Variants in FAM53A observed in about 807,000 individuals in gnomAD.
The protein encoded by FAM53A is protein FAM53A.
FAM53A carries 28 observed loss-of-function variants against 26.6 expected under a neutral mutation model. The ratio of observed to expected loss-of-function variants is 1.05; its 90% CI spans 0.78 to 1.45. FAM53A has a LOEUF of 1.45. Ranked by LOEUF, FAM53A falls within the 40% of genes most tolerant of loss-of-function variation. The probability of loss-of-function intolerance (pLI) is 0.00; values close to 1 mark genes in which losing one functional copy is unlikely to be tolerated. For missense variants in FAM53A, 650 were observed against 575.8 expected, an observed-to-expected ratio of 1.13 and a Z score of -1.32; for synonymous variants, 290 against 253.1, an observed-to-expected ratio of 1.15 and a Z score of -1.38.
intron 1 of FAM53A, among the ~76,000 whole-genome samples, chr4:1,631,409 T>G (rs539298126): frequency 1.3e-5 from 2 of 152,306 alleles, no homozygotes; most frequent in South Asian, 4.1e-4. Flanking sequence ...TTCCCACACA[T>G]GCTAACCTCT....
At chr4:1,667,784 G>A (rs976711747) in intron 2 of FAM53A, among the ~76,000 whole-genome samples, 27 of 152,284 alleles carry the variant, frequency 1.8e-4, no homozygotes, top group African/African-American at 5.8e-4. Flanking sequence ...ATAGGCAGGC[G>A]CTCCAAGCAC....
chr4:1,587,603 C>G, the FAM53A span, among the ~76,000 whole-genome samples: 1 of 152,108 alleles, frequency 6.6e-6, no homozygotes, highest in African/African-American at 2.4e-5. Flanking sequence ...ACCCAGGAGG[C>G]AGAAGTTGCA....
chr4:1,578,067 C>G, the FAM53A span, among the ~76,000 whole-genome samples: 1 of 152,108 alleles, frequency 6.6e-6, no homozygotes, highest in African/African-American at 2.4e-5. Context: ...CCTGCCTGCC[C>G]TGAGCGCCTT....
At chr4:1,653,831 G>A (rs910322437) in intron 4 of FAM53A, among the ~76,000 whole-genome samples, 14 of 152,212 alleles carry the variant, frequency 9.2e-5, no homozygotes, top group Admixed American at 5.9e-4. Context: ...CTGGCACGCC[G>A]GCCACACTGC....
chr4:1,657,407 C>T lies in FAM53A; in HGVS notation c.136+1G>A. 1 of 1,613,182 alleles carries T rather than the reference C, an allele frequency of 6.2e-7. No individual in the cohort carries two copies. The highest frequency in any genetic ancestry group is 1.1e-5 in the South Asian group (1 of 90,866). ...CCGGCCACAGCTCCTAAAGTGCTCA[C>T]CGTTGAGCTCCAAAGGGAACAGACG... is the stretch of plus-strand genomic sequence containing the variant. On this transcript the variant is annotated splice_donor_variant, in intron 3 of 4. Transcript: ENST00000308132. LOFTEE classifies it high-confidence loss of function.
chr4:1,634,585 T>G (rs1424038859), intron 1 of FAM53A, among the ~76,000 whole-genome samples: 1 of 152,166 alleles, frequency 6.6e-6, no homozygotes, highest in African/African-American at 2.4e-5. Context: ...CCTTATGCAT[T>G]TTGTGGAGGT....
the FAM53A span, among the ~76,000 whole-genome samples, chr4:1,606,745 C>T: frequency 6.6e-6 from 1 of 152,200 alleles, no homozygotes; most frequent in Non-Finnish European, 1.5e-5. Flanking sequence ...CCCTGTGTAG[C>T]GTTCCCCTGC....
chr4:1,616,359 T>C (rs1384863701), downstream of FAM53A, among the ~76,000 whole-genome samples: 1 of 152,138 alleles, frequency 6.6e-6, no homozygotes, highest in Non-Finnish European at 1.5e-5. Context: ...CCCTCCCTAC[T>C]GAGCCCAAGG....
At chr4:1,658,236 G>A (rs1161862489) in intron 2 of FAM53A, among the ~76,000 whole-genome samples, 1 of 151,598 alleles carries the variant, frequency 6.6e-6, no homozygotes, top group African/African-American at 2.4e-5. Flanking sequence ...CAGCCAGGAT[G>A]GTCTCGATCT....
chr4:1,595,908 G>A, the FAM53A span, among the ~76,000 whole-genome samples: 2 of 152,344 alleles, frequency 1.3e-5, no homozygotes, highest in South Asian at 2.1e-4. Flanking sequence ...TGGTGCAGGT[G>A]CTCAGTGATG....
At position 1,677,417 on chromosome 4, in the gene FAM53A, G is replaced by A. The variant is rs138249094; in HGVS notation, c.-165+6816C>T. On this transcript the variant is annotated intron_variant, in intron 1 of 4. Coordinates refer to ENST00000308132, the MANE Select transcript of FAM53A (RefSeq NM_001174070.3). ...TCCTCCAACCCTTCCAATGACGTGT[G>A]TATGCTTCACCCCCAAGGGCTCCCT... 8.9e-3 allele frequency among the ~76,000 whole-genome samples: 1,361 copies of A among 152,296 alleles called. 19 individuals are homozygous for A. The highest frequency in any genetic ancestry group is 0.032 in the African/African-American group (1,311 of 41,554).
intron 1 of FAM53A, among the ~76,000 whole-genome samples, chr4:1,626,945 G>T (rs1715334112): frequency 6.6e-6 from 1 of 152,176 alleles, no homozygotes; most frequent in Admixed American, 6.5e-5. Flanking sequence ...GAGAGGGTGG[G>T]GGCCTGGCCT....
Position 1,657,335 on chromosome 4 carries a change from C to T in FAM53A, c.136+73G>A. The T allele has an allele frequency of 3.6e-6, 5 of 1,407,094 alleles. No individual in the cohort carries two copies. In the South Asian group the frequency reaches 3.6e-5, roughly 10 times the overall value. The allele number at this position is 1,407,094 out of a possible 1,614,324, so 87.2% of individuals were successfully genotyped here. On this transcript the variant is annotated intron_variant, in intron 3 of 4. Coordinates refer to ENST00000308132, the MANE Select transcript of FAM53A (RefSeq NM_001174070.3). ...GCAGATCCGGCTCATGTTCTGCGTC[C>T]AGGACCCTCCCAGCCCAGGAGCCCA...
At chr4:1,576,248 G>A in the FAM53A span, among the ~76,000 whole-genome samples, 1 of 152,344 alleles carries the variant, frequency 6.6e-6, no homozygotes, top group Non-Finnish European at 1.5e-5. Flanking sequence ...TTGTGCCGGG[G>A]TAATATGTGC....
At chr4:1,606,506 C>T in the FAM53A span, among the ~76,000 whole-genome samples, 1 of 152,098 alleles carries the variant, frequency 6.6e-6, no homozygotes, top group African/African-American at 2.4e-5. Flanking sequence ...TGCAGAGGAC[C>T]GAGGCAGACC....
At chr4:1,682,985 C>G (rs952522973) in intron 1 of FAM53A, among the ~76,000 whole-genome samples, 8 of 152,158 alleles carry the variant, frequency 5.3e-5, no homozygotes, top group Admixed American at 2.0e-4. Flanking sequence ...GCTGCAGAAT[C>G]AAAAGCTCTA....
the FAM53A span, among the ~76,000 whole-genome samples, chr4:1,607,390 T>C: frequency 2.6e-5 from 4 of 151,968 alleles, no homozygotes; most frequent in Non-Finnish European, 4.4e-5. Context: ...TCTATTATTA[T>C]GGAAACGTGC....
At chr4:1,666,483 TG>T (rs1714244915) in intron 2 of FAM53A, among the ~76,000 whole-genome samples, 1 of 151,986 alleles carries the variant, frequency 6.6e-6, no homozygotes, top group Admixed American at 6.5e-5. Flanking sequence ...ACAGAGGTCG[TG>T]GGGGCCCGTG....
chr4:1,586,790 A>AAT, the FAM53A span, among the ~76,000 whole-genome samples: 1 of 150,956 alleles, frequency 6.6e-6, no homozygotes, highest in Admixed American at 6.6e-5. Context: ...CTCAAAAAAA[A>AAT]AAAAAAAAGA....
Sources: allele counts gnomAD v4.1 joint callset (sites outside exome capture counted in the v4.1 genomes callset), GRCh38; gene constraint gnomAD v4.1.1; transcripts MANE v1.5; gene names NCBI Gene and HGNC (gene_info 2026-07-23, HGNC 2026-07-21).